Variants in ACYP2 observed in about 807,000 individuals in gnomAD.
ACYP2 encodes acylphosphatase 2.
ACYP2 carries 12 observed loss-of-function variants against 11.2 expected under a neutral mutation model. The observed-to-expected ratio is 1.08, with a 90% CI of 0.69 to 1.74. The LOEUF is 1.74. Ranked by LOEUF, ACYP2 falls within the 40% of genes most tolerant of loss-of-function variation. ACYP2 has a pLI of 0.00. For synonymous variants in ACYP2, 43 were observed against 32.2 expected (o/e 1.33, Z -1.13); for missense variants, 134 against 101.9 (o/e 1.31, Z -1.35).
intron 6 of ACYP2, among the ~76,000 whole-genome samples, chr2:54,285,989 T>C (rs1313700018): frequency 6.6e-6 from 1 of 152,216 alleles, no homozygotes; most frequent in Non-Finnish European, 1.5e-5. Context: ...GATAAAGGAA[T>C]ACAGATGCTT....
chr2:54,257,379 T>C (rs917981251), intron 6 of ACYP2, among the ~76,000 whole-genome samples: 1 of 152,192 alleles, frequency 6.6e-6, no homozygotes, highest in Non-Finnish European at 1.5e-5. Context: ...TCTTTCCCCA[T>C]GCATAGGTTT....
rs542575379 is a variant in ACYP2 at position 54,202,488 on chromosome 2, A to G, written c.404+63740A>G. ...AATGGCTCGATCTCACCTCGCTGCA[A>G]CCTCTGCCTCCCGGGTTCAAGCAAT... On this transcript the variant is annotated intron_variant, in intron 6 of 6. Transcript: ENST00000607452. Among the ~76,000 whole-genome samples the G allele has an allele frequency of 3.3e-4, 43 of 130,936 alleles. No individual in the cohort carries two copies. The South Asian group carries it at 1.0e-2, about 30-fold the overall frequency. 85.9% of individuals were successfully genotyped at this position (130,936 alleles called of 152,430 possible).
chr2:53,979,371 G>A (rs1671643806), intron 2 of ACYP2, among the ~76,000 whole-genome samples: 1 of 152,060 alleles, frequency 6.6e-6, no homozygotes, highest in Non-Finnish European at 1.5e-5. Flanking sequence ...GCTCACGCTT[G>A]TAATCCCAGC....
At chr2:53,991,401 CT>C (rs869173561) in intron 2 of ACYP2, among the ~76,000 whole-genome samples, 2 of 148,888 alleles carry the variant, frequency 1.3e-5, no homozygotes, top group Admixed American at 6.7e-5. Context: ...GTATGTGTAA[CT>C]TTTTTTTCTT....
intron 6 of ACYP2, among the ~76,000 whole-genome samples, chr2:54,146,885 C>G (rs1028591536): frequency 2.6e-5 from 4 of 151,796 alleles, no homozygotes; most frequent in African/African-American, 9.7e-5. Context: ...ACCTCCACCT[C>G]CCAGGTTCAA....
intron 6 of ACYP2, among the ~76,000 whole-genome samples, chr2:54,202,482 G>A (rs916730009): frequency 1.4e-5 from 2 of 138,666 alleles, no homozygotes; most frequent in Non-Finnish European, 3.1e-5. Context: ...ATCTCACCTC[G>A]CTGCAACCTC....
intron 6 of ACYP2, among the ~76,000 whole-genome samples, chr2:54,247,148 A>G (rs182702356): frequency 1.6e-4 from 25 of 152,276 alleles, no homozygotes; most frequent in African/African-American, 4.8e-4. Context: ...CTATTTCTCT[A>G]TAACATTATT....
At chr2:54,124,488 G>A (rs1271410544) in intron 4 of ACYP2, among the ~76,000 whole-genome samples, 2 of 152,082 alleles carry the variant, frequency 1.3e-5, no homozygotes, top group African/African-American at 4.8e-5. Flanking sequence ...GAGCCACCAC[G>A]CCCAGCCCAT....
intron 6 of ACYP2, among the ~76,000 whole-genome samples, chr2:54,197,971 TG>T (rs1684579084): frequency 1.7e-5 from 2 of 118,650 alleles, no homozygotes; most frequent in African/African-American, 3.9e-5. Context: ...TGTATTGTAT[TG>T]TATTGTATTG....
At chr2:54,262,960 C>T (rs1687846643) in intron 6 of ACYP2, among the ~76,000 whole-genome samples, 3 of 152,082 alleles carry the variant, frequency 2.0e-5, no homozygotes, top group Admixed American at 2.0e-4. Context: ...TGGCTCATGC[C>T]TGTGATGCCA....
intron 6 of ACYP2, among the ~76,000 whole-genome samples, chr2:54,193,506 G>A (rs747408973): frequency 6.6e-6 from 1 of 152,018 alleles, no homozygotes; most frequent in Non-Finnish European, 1.5e-5. Flanking sequence ...TCTTGAATTG[G>A]CACACACTTA....
chr2:54,264,145 C>T (rs545667402), intron 6 of ACYP2, among the ~76,000 whole-genome samples: 17 of 152,170 alleles, frequency 1.1e-4, no homozygotes, highest in South Asian at 6.2e-4. Context: ...CAGAAGGGTC[C>T]GGAGTTTCTT....
chr2:54,075,753 C>T (rs928642235), intron 4 of ACYP2, among the ~76,000 whole-genome samples: 10 of 151,724 alleles, frequency 6.6e-5, no homozygotes, highest in African/African-American at 2.4e-4. Context: ...GCCGAGGTTG[C>T]AGTCAGCCAA....
At chr2:54,069,538 T>C (rs1676914314) in intron 4 of ACYP2, among the ~76,000 whole-genome samples, 1 of 152,094 alleles carries the variant, frequency 6.6e-6, no homozygotes, top group Admixed American at 6.5e-5. Context: ...GGCGGGCGCC[T>C]GTAGTCCTAG....
At chr2:54,059,269 A>G (rs1676342844) in intron 4 of ACYP2, among the ~76,000 whole-genome samples, 1 of 149,810 alleles carries the variant, frequency 6.7e-6, no homozygotes, top group South Asian at 2.1e-4. Context: ...CCCGGGCTGG[A>G]GTGCAATGGC....
chr2:54,115,408 A>G (rs1301759490), intron 4 of ACYP2: 1 of 641,176 alleles, frequency 1.6e-6, no homozygotes, highest in East Asian at 3.2e-5. Flanking sequence ...GATCAATTAA[A>G]TGGTAGGGAG....
At chr2:54,103,009 T>C (rs764362754) in intron 4 of ACYP2, among the ~76,000 whole-genome samples, 15 of 152,150 alleles carry the variant, frequency 9.9e-5, no homozygotes, top group Non-Finnish European at 1.6e-4. Context: ...TAAAAAAATC[T>C]GATGAGTTAG....
intron 6 of ACYP2, among the ~76,000 whole-genome samples, chr2:54,297,704 T>TA (rs1437102415): frequency 2.8e-4 from 43 of 152,306 alleles, no homozygotes; most frequent in African/African-American, 9.9e-4. Flanking sequence ...AGTTTTCCTG[T>TA]ATCTTGTTTA....
At chr2:54,117,396 A>C (rs1016044065) in intron 4 of ACYP2, among the ~76,000 whole-genome samples, 2 of 152,186 alleles carry the variant, frequency 1.3e-5, no homozygotes, top group Admixed American at 1.3e-4. Context: ...CCTGGGCTCA[A>C]GTGATCTTCT....
Sources: gnomAD v4.1 joint callset for allele counts (sites outside exome capture counted in the v4.1 genomes callset) on GRCh38, gnomAD v4.1.1 for gene constraint, MANE v1.5 for transcripts, NCBI Gene and HGNC (gene_info 2026-07-23, HGNC 2026-07-21) for gene names.